Variants in CHTF8 observed in about 807,000 individuals in gnomAD.
CHTF8 encodes the protein chromosome transmission fidelity factor 8.
CHTF8 carries 6 observed loss-of-function variants against 11.0 expected under a neutral mutation model. The ratio of observed to expected loss-of-function variants is 0.55; its 90% CI spans 0.30 to 1.08. The LOEUF is 1.08. Ranked by LOEUF, CHTF8 falls within the 50% of genes least tolerant of loss-of-function variation. CHTF8 has a pLI of 0.07. For synonymous variants in CHTF8, 53 were observed against 60.5 expected, an observed-to-expected ratio of 0.88 and a Z score of 0.57; for missense variants, 140 against 153.1, an observed-to-expected ratio of 0.91 and a Z score of 0.45.
chr16:69,123,926 A>T (rs1305532547), intron 1 of CHTF8, among the ~76,000 whole-genome samples: 40 of 55,896 alleles, frequency 7.2e-4, no homozygotes, highest in African/African-American at 2.4e-3. Flanking sequence ...CATCTCTACT[A>T]AAAAAAAAAA....
Position 69,120,365 on chromosome 16 carries a change from G to A in CHTF8, c.*60C>T. ...AGGGAACCGTCGAGCCGTCCTCGAG[G>A]TGGCAGCGGAGCACGAGTCCAAGGA... On this transcript the variant is annotated 3_prime_UTR_variant, in exon 4 of 4. Transcript: ENST00000448552. This position sits in a 1 kb window ranked among gnomAD's most constrained non-coding sequence, Gnocchi z 4.0. 6.5e-7 allele frequency: 1 copy of A among 1,541,900 alleles called. No individual in the cohort carries two copies. The highest frequency in any genetic ancestry group is 9.0e-7 in the Non-Finnish European group (1 of 1,114,558).
intron 1 of CHTF8, among the ~76,000 whole-genome samples, chr16:69,129,287 G>A (rs1265987651): frequency 5.3e-5 from 8 of 151,112 alleles, no homozygotes; most frequent in South Asian, 2.1e-4. Context: ...AAAATTAGCC[G>A]GGCGTGGTGG....
intron 1 of CHTF8, among the ~76,000 whole-genome samples, chr16:69,126,002 T>C (rs1396340984): frequency 6.6e-6 from 1 of 152,166 alleles, no homozygotes; most frequent in Non-Finnish European, 1.5e-5. Context: ...ACCCATAATT[T>C]TGACAATTTA....
intron 1 of CHTF8, among the ~76,000 whole-genome samples, chr16:69,123,925 TAAA>T (rs757493986): frequency 2.6e-5 from 2 of 76,962 alleles, no homozygotes; most frequent in Non-Finnish European, 2.5e-5. Flanking sequence ...CCATCTCTAC[TAAA>T]AAAAAAAAAA....
At position 69,119,637 on chromosome 16, in the gene CHTF8, G is replaced by C. The variant is rs1457192051; in HGVS notation, c.*788C>G. 2.9e-6 allele frequency: 2 copies of C among 686,408 alleles called. No individual in the cohort carries two copies. The highest frequency in any genetic ancestry group is 5.3e-6 in the Non-Finnish European group (2 of 376,070). The allele number at this position is 686,408 out of a possible 1,614,324, so 42.5% of individuals were successfully genotyped here. A position where few individuals can be genotyped will look rare whatever the true frequency, so the allele number is the denominator to read the frequency against. On this transcript the variant is annotated 3_prime_UTR_variant, in exon 4 of 4. Coordinates refer to ENST00000448552, the MANE Select transcript of CHTF8 (RefSeq NM_001039690.5). ...GGCCTTGAGGTCCAGCCATTCTTAA[G>C]TTAAGACCAGATCCTGTGCCCAAGA...
chr16:69,121,675 T>G (rs1961678377), intron 1 of CHTF8, among the ~76,000 whole-genome samples, 182 bp from the exon 2 acceptor site: 1 of 151,090 alleles, frequency 6.6e-6, no homozygotes, highest in Admixed American at 6.6e-5. Flanking sequence ...GATGGGGTTT[T>G]TTTTTTTTTT....
In CHTF8 at chr16:69,132,495, G is replaced by A; in HGVS notation, c.-47C>T. ...GCCCGCGGCCTGACCTGCAATGGCG[G>A]CCGCCGAGCGCGGCGCCGCGCGGCC... On this transcript the variant is annotated 5_prime_UTR_variant, in exon 1 of 4. Coordinates refer to ENST00000448552, the MANE Select transcript of CHTF8 (RefSeq NM_001039690.5). 1 of 266,112 alleles carries A rather than the reference G, an allele frequency of 3.8e-6. No individual in the cohort carries two copies. The highest frequency in any genetic ancestry group is 7.2e-6 in the Non-Finnish European group (1 of 138,732). 16.5% of individuals were successfully genotyped at this position (266,112 alleles called of 1,614,324 possible). A position where few individuals can be genotyped will look rare whatever the true frequency, so the allele number is the denominator to read the frequency against.
Position 69,120,964 on chromosome 16 carries a change from A to AG in CHTF8, c.141+88dup, listed in dbSNP as rs764441232. 45 of 1,087,272 alleles carry AG rather than the reference A, an allele frequency of 4.1e-5. No individual in the cohort carries two copies. The highest frequency in any genetic ancestry group is 6.4e-5 in the Non-Finnish European group (45 of 698,910). 67.4% of individuals were successfully genotyped at this position (1,087,272 alleles called of 1,614,324 possible). A position where few individuals can be genotyped will look rare whatever the true frequency, so the allele number is the denominator to read the frequency against. ...AGCTAGGCCTTGAATAACAAACCTG[A>AG]GGCAGTCCTCACTCTGGGTCCTGGG... On this transcript the variant is annotated intron_variant, in intron 3 of 3. Coordinates refer to ENST00000448552, the MANE Select transcript of CHTF8 (RefSeq NM_001039690.5). The surrounding 1 kb of genome is among the most constrained non-coding windows in gnomAD (Gnocchi z 4.0).
Position 69,118,353 on chromosome 16 carries a change from A to C in CHTF8, c.*2072T>G. The C allele has an allele frequency of 6.3e-7, 1 of 1,589,186 alleles. No homozygotes were observed. Among genetic ancestry groups the C allele is most frequent in the Non-Finnish European group, 8.6e-7 (1 of 1,157,364 alleles). ...TGTCCATCTCCCTGTTCTGTGTTCA[A>C]GCCCCCAGGGAAAGGTATGGCAGTA... On this transcript the variant is annotated 3_prime_UTR_variant, in exon 4 of 4. Coordinates refer to ENST00000448552, the MANE Select transcript of CHTF8 (RefSeq NM_001039690.5).
At chr16:69,132,266 G>GC (rs1377417755) in intron 1 of CHTF8, 10 of 107,062 alleles carry the variant, frequency 9.3e-5, no homozygotes, top group Admixed American at 9.0e-4. Flanking sequence ...CTCCGGGCTT[G>GC]CCCCCACCTC....
chr16:69,122,698 T>C (rs1961768621), intron 1 of CHTF8, among the ~76,000 whole-genome samples: 1 of 152,046 alleles, frequency 6.6e-6, no homozygotes, highest in African/African-American at 2.4e-5. Flanking sequence ...ACAACCACCA[T>C]GCCTGGCTAA....
Position 69,120,906 on chromosome 16 carries a change from T to G in CHTF8, c.141+147A>C, listed in dbSNP as rs769889353. 9 of 807,726 alleles carry G rather than the reference T, an allele frequency of 1.1e-5. No individual in the cohort carries two copies. The East Asian group carries it at 2.2e-4, about 20-fold the overall frequency. 50.0% of individuals were successfully genotyped at this position (807,726 alleles called of 1,614,324 possible). On this transcript the variant is annotated intron_variant, in intron 3 of 3. Coordinates refer to ENST00000448552, the MANE Select transcript of CHTF8 (RefSeq NM_001039690.5). The surrounding 1 kb of genome is among the most constrained non-coding windows in gnomAD (Gnocchi z 4.0). ...TTAAATTTCCCTGCTACTGCAGAGG[T>G]AGGGGGAGAACAAGCAGAGAGCATC...
Position 69,120,626 on chromosome 16 carries a change from C to A in CHTF8, c.165G>T (p.Gly55=), listed in dbSNP as rs773392209. Residue 55 remains glycine, a synonymous_variant, in exon 4 of 4, where the codon GGG becomes GGT. Coordinates refer to ENST00000448552, the MANE Select transcript of CHTF8 (RefSeq NM_001039690.5). This position sits in a 1 kb window ranked among gnomAD's most constrained non-coding sequence, Gnocchi z 4.0. ...TTEGIPVLIV[G]HHILYGKIIH... is the part of the protein sequence containing the mutation. ...TGATTTTCCCATACAGGATATGATG[C>A]CCCACGATCAGCACAGGGATTCCCT... 5 of 1,612,150 alleles carry A rather than the reference C, an allele frequency of 3.1e-6. No individual in the cohort carries two copies. The Admixed American group carries it at 8.3e-5, about 27-fold the overall frequency.
Position 69,121,464 on chromosome 16 carries a change from T to G in CHTF8, c.-6A>C. On this transcript the variant is annotated 5_prime_UTR_variant, in exon 2 of 4. Transcript: ENST00000448552. ...GAAATAACAATTTGCACCATGAGCT[T>G]TCTGTCTTTAAAAAGCAAGTGAAAA... The G allele has an allele frequency of 1.9e-6, 3 of 1,600,224 alleles. No individual in the cohort carries two copies. The highest frequency in any genetic ancestry group is 1.1e-5 in the South Asian group (1 of 88,038).
Position 69,118,832 on chromosome 16 carries a change from G to A in CHTF8, c.*1593C>T. The A allele has an allele frequency of 1.4e-6, 1 of 690,012 alleles. No individual in the cohort carries two copies. The highest frequency in any genetic ancestry group is 2.6e-6 in the Non-Finnish European group (1 of 377,914). The allele number at this position is 690,012 out of a possible 1,614,324, so 42.7% of individuals were successfully genotyped here. The stretch of plus-strand genomic sequence containing the variant: ...AACCACAGTGCCTAGAAACCAAGGT[G>A]GTCCTGGAGGGAAAATGGTGTTTAA... On this transcript the variant is annotated 3_prime_UTR_variant, in exon 4 of 4. Transcript: ENST00000448552.
intron 1 of CHTF8, among the ~76,000 whole-genome samples, chr16:69,122,539 AT>A (rs764144816): frequency 0.034 from 4,437 of 130,698 alleles, 79 homozygotes; most frequent in Non-Finnish European, 0.045. Flanking sequence ...TACCCAGCTA[AT>A]TTTTTTTTTT....
In CHTF8 at chr16:69,129,429, C is replaced by CAA. The variant is rs11420871; in HGVS notation, c.-36+3053_-36+3054dup. Among the ~76,000 whole-genome samples the CAA allele has an allele frequency of 1.5e-3, 114 of 75,450 alleles. 1 individual carries two copies. The highest frequency in any genetic ancestry group is 3.1e-3 in the Admixed American group (21 of 6,696). The allele number at this position is 75,450 out of a possible 152,430, so 49.5% of individuals were successfully genotyped here. A position where few individuals can be genotyped will look rare whatever the true frequency, so the allele number is the denominator to read the frequency against. ...TAGGCAACAGAGCGAGACTCCGTCA[C>CAA]AAAAAAAAAAAAAAAAAAAAAGGAA... On this transcript the variant is annotated intron_variant, in intron 1 of 3. Coordinates refer to ENST00000448552, the MANE Select transcript of CHTF8 (RefSeq NM_001039690.5).
At chr16:69,126,926 A>T (rs1025936754) in intron 1 of CHTF8, among the ~76,000 whole-genome samples, 6 of 152,172 alleles carry the variant, frequency 3.9e-5, no homozygotes, top group Non-Finnish European at 8.8e-5. Flanking sequence ...CAGGGAGTAT[A>T]TATTTCATTC....
intron 1 of CHTF8, among the ~76,000 whole-genome samples, chr16:69,125,162 C>T (rs1158213760): frequency 6.6e-6 from 1 of 152,118 alleles, no homozygotes; most frequent in Non-Finnish European, 1.5e-5. Flanking sequence ...CGTTGCCCTC[C>T]AAAAGTACTG....
Sources: allele counts gnomAD v4.1 joint callset (sites outside exome capture counted in the v4.1 genomes callset), GRCh38; gene constraint gnomAD v4.1.1; non-coding constraint Gnocchi (gnomAD v3.1); transcripts MANE v1.5; gene names NCBI Gene and HGNC (gene_info 2026-07-23, HGNC 2026-07-21).